Variants in PAPPA observed in about 807,000 individuals in gnomAD.
PAPPA encodes pappalysin 1.
In PAPPA, 60 loss-of-function variants were observed where a neutral mutation model predicts 164.0. That is an observed-to-expected ratio of 0.37 (90% CI 0.30 to 0.45). The LOEUF (loss-of-function observed/expected upper bound fraction) is 0.45, where lower values mean the gene tolerates loss of function less well. Ranked by LOEUF, PAPPA falls within the 20% of genes least tolerant of loss-of-function variation. The pLI is 1.00. For synonymous variants in PAPPA, 875 were observed against 814.1 expected (o/e 1.07, Z -1.27); for missense variants, 1,782 against 2,087.3 (o/e 0.85, Z 2.85).
chr9:116,266,080 C>A, intron 8 of PAPPA, 95 bp downstream of exon 8: 1 of 1,125,358 alleles, frequency 8.9e-7, no homozygotes, highest in Non-Finnish European at 1.2e-6. Flanking sequence ...ACATATTCTT[C>A]AGTGCATGAG....
At position 116,187,853 on chromosome 9, in the gene PAPPA, G is replaced by A. The variant is rs199822574; in HGVS notation, c.1115G>A (p.Arg372His). 76 of 1,614,066 alleles carry A rather than the reference G, an allele frequency of 4.7e-5. No homozygotes were observed. The highest frequency in any genetic ancestry group is 6.2e-5 in the Non-Finnish European group (73 of 1,180,040). Residue 372 changes from arginine to histidine, a missense_variant, in exon 2 of 22, where the codon CGC becomes CAC. Coordinates refer to ENST00000328252, the MANE Select transcript of PAPPA (RefSeq NM_002581.5). The surrounding 1 kb of genome is among the most constrained non-coding windows in gnomAD (Gnocchi z 4.2). Reference protein sequence around the residue: ...EDDHKNPTVTREQVDFQHHQL... With the variant: ...EDDHKNPTVTHEQVDFQHHQL... ...GATCATAAGAACCCGACGGTGACGC[G>A]CGAGCAGGTGGACTTCCAGCACCAT...
intron 14 of PAPPA, 146 bp downstream of exon 14, chr9:116,344,857 G>T (rs1455350300): frequency 1.7e-5 from 11 of 656,032 alleles, no homozygotes; most frequent in Non-Finnish European, 2.8e-5. Context: ...TTGATTAAAT[G>T]AATGCATGAA....
intron 2 of PAPPA, among the ~76,000 whole-genome samples, chr9:116,197,950 G>C (rs1844126889): frequency 6.6e-6 from 1 of 152,140 alleles, no homozygotes. Context: ...CTAAAGTCTA[G>C]AGCCAAACTA....
chr9:116,350,909 T>C (rs1322871286), intron 15 of PAPPA, among the ~76,000 whole-genome samples: 2 of 152,244 alleles, frequency 1.3e-5, no homozygotes, highest in African/African-American at 4.8e-5. Flanking sequence ...TCACAGTTTG[T>C]CAATGTGGAA....
intron 19 of PAPPA, among the ~76,000 whole-genome samples, chr9:116,369,187 A>G (rs1846540314): frequency 6.6e-6 from 1 of 151,546 alleles, no homozygotes; most frequent in Non-Finnish European, 1.5e-5. Context: ...CTGCATATCT[A>G]CAAGACAGCC....
intron 9 of PAPPA, among the ~76,000 whole-genome samples, chr9:116,299,981 A>G (rs563322029): frequency 4.2e-4 from 64 of 151,640 alleles, no homozygotes; most frequent in Non-Finnish European, 7.2e-4. Flanking sequence ...TCAGATTTGT[A>G]CCTACTTCTG....
intron 9 of PAPPA, among the ~76,000 whole-genome samples, chr9:116,272,349 T>A (rs554149454): frequency 6.6e-6 from 1 of 152,182 alleles, no homozygotes; most frequent in Non-Finnish European, 1.5e-5. Context: ...GAAGGGGCAG[T>A]TACAAGCGGA....
intron 16 of PAPPA, 62 bp downstream of exon 16, chr9:116,352,978 C>A: frequency 8.2e-7 from 1 of 1,226,644 alleles, no homozygotes; most frequent in Non-Finnish European, 1.2e-6. Flanking sequence ...GGTTCAAATG[C>A]CTGACTGGAC....
chr9:116,302,339 T>C (rs567581737), intron 9 of PAPPA, among the ~76,000 whole-genome samples: 1 of 152,302 alleles, frequency 6.6e-6, no homozygotes, highest in South Asian at 2.1e-4. Context: ...CTTTTTCATG[T>C]TGCACAATTG....
At chr9:116,166,541 A>G (rs1371273571) in intron 1 of PAPPA, among the ~76,000 whole-genome samples, 1 of 152,024 alleles carries the variant, frequency 6.6e-6, no homozygotes, top group Non-Finnish European at 1.5e-5. Flanking sequence ...ATCTTGTGAG[A>G]CCTTGTGATG....
At chr9:116,317,715 A>G (rs927530252) in intron 10 of PAPPA, among the ~76,000 whole-genome samples, 3 of 152,168 alleles carry the variant, frequency 2.0e-5, no homozygotes, top group African/African-American at 7.2e-5. Flanking sequence ...TCGGGCCCTG[A>G]AATAAAATTC....
Position 116,256,920 on chromosome 9 carries a change from AT to A in PAPPA, c.2733-8931del, listed in dbSNP as rs1844934539. Among the ~76,000 whole-genome samples the A allele has an allele frequency of 1.3e-5, 2 of 149,120 alleles. 1 individual carries two copies. The highest frequency in any genetic ancestry group is 3.9e-4 in the East Asian group (2 of 5,074). On this transcript the variant is annotated intron_variant, in intron 7 of 21. Coordinates refer to ENST00000328252, the MANE Select transcript of PAPPA (RefSeq NM_002581.5). ...TCCTTCTTGAATAGAGATGTAGACT[AT>A]TTTTTAAAGTTTTTTTTTTACCATG...
chr9:116,190,661 C>T (rs925034564), intron 2 of PAPPA, among the ~76,000 whole-genome samples: 2 of 152,210 alleles, frequency 1.3e-5, no homozygotes, highest in African/African-American at 2.4e-5. Context: ...GAGCAGCTGG[C>T]CTTTGCAGAG....
chr9:116,348,880 C>T (rs1211421941), intron 15 of PAPPA, among the ~76,000 whole-genome samples: 4 of 152,102 alleles, frequency 2.6e-5, no homozygotes, highest in Non-Finnish European at 4.4e-5. Context: ...ATATGTACCA[C>T]ATTTTCTTTA....
At chr9:116,334,326 C>A (rs1228741266) in intron 12 of PAPPA, among the ~76,000 whole-genome samples, 1 of 151,454 alleles carries the variant, frequency 6.6e-6, no homozygotes, top group Non-Finnish European at 1.5e-5. Flanking sequence ...GGCTGTGCTT[C>A]TCTGGAAAAC....
At chr9:116,250,475 A>G (rs1844848164) in intron 7 of PAPPA, among the ~76,000 whole-genome samples, 1 of 152,174 alleles carries the variant, frequency 6.6e-6, no homozygotes, top group Non-Finnish European at 1.5e-5. Context: ...TTTATTTCCC[A>G]TATCTGGGCT....
chr9:116,319,161 A>C (rs1588001861), intron 10 of PAPPA, among the ~76,000 whole-genome samples: 1 of 152,278 alleles, frequency 6.6e-6, no homozygotes, highest in African/African-American at 2.4e-5. Context: ...TGAATGGCAT[A>C]ATTAGGGAGA....
At chr9:116,335,195 T>A (rs1403029662) in intron 13 of PAPPA, 121 bp downstream of exon 13, 4 of 802,590 alleles carry the variant, frequency 5.0e-6, no homozygotes, top group East Asian at 5.3e-5. Flanking sequence ...CCCTTCTCCA[T>A]CCATCCTCTG....
chr9:116,208,435 C>T (rs1222345622), intron 3 of PAPPA, among the ~76,000 whole-genome samples: 4 of 152,060 alleles, frequency 2.6e-5, no homozygotes, highest in Non-Finnish European at 5.9e-5. Flanking sequence ...TTCACTTAAT[C>T]ACAAAAGAAA....
Sources: gnomAD v4.1 joint callset for allele counts (sites outside exome capture counted in the v4.1 genomes callset) on GRCh38, gnomAD v4.1.1 for gene constraint, Gnocchi (gnomAD v3.1) non-coding constraint, MANE v1.5 for transcripts, NCBI Gene and HGNC (gene_info 2026-07-23, HGNC 2026-07-21) for gene names.